Variants in UFD1 observed in about 807,000 individuals in gnomAD.
UFD1 encodes the protein ubiquitin recognition factor in ER associated degradation 1.
Under a neutral mutation model 45.9 loss-of-function variants are expected in UFD1, and 13 were observed. That is an observed-to-expected ratio of 0.28 (90% CI 0.18 to 0.45). The LOEUF is 0.45. UFD1 is among the 20% of genes least tolerant of loss of function. The pLI is 1.00. For missense variants in UFD1, 218 were observed against 389.2 expected, an observed-to-expected ratio of 0.56 and a Z score of 3.70; for synonymous variants, 128 against 139.2, an observed-to-expected ratio of 0.92 and a Z score of 0.56.
intron 1 of UFD1, 138 bp from the exon 2 acceptor site, chr22:19,475,740 C>G: frequency 9.0e-7 from 1 of 1,115,548 alleles, no homozygotes; most frequent in South Asian, 1.5e-5. Flanking sequence ...TGTAATCTTA[C>G]TAAATACAAA....
Position 19,468,000 on chromosome 22 carries a change from T to A in UFD1, c.295A>T (p.Met99Leu). The change falls in exon 5 of 12, where the codon ATG (methionine) becomes TTG (leucine). Residue 99 changes from methionine to leucine, a missense_variant. Around this residue, in one of 2 missense-constraint regions of UFD1, gnomAD observed 149 missense variants for 307.5 expected, o/e 0.48. Coordinates refer to ENST00000263202, the MANE Select transcript of UFD1 (RefSeq NM_005659.7). ...EGICYLPHWM[M>L]QNLLLEEGGL... ...CCTTCTTCCAAGAGTAAGTTCTGCA[T>A]CATCTGAAAGGAAGAAGAGGCTACA... The A allele has an allele frequency of 6.2e-7, 1 of 1,614,044 alleles. No homozygotes were observed.
intron 1 of UFD1, 168 bp downstream of exon 1, chr22:19,478,915 G>A (rs2089919017): frequency 5.6e-6 from 5 of 894,514 alleles, no homozygotes; most frequent in Non-Finnish European, 8.1e-6. Context: ...GGCGGTTAGT[G>A]GTCAAGGGTC....
chr22:19,452,727 A>C (rs1395815731), intron 11 of UFD1: 1 of 152,122 alleles, frequency 6.6e-6, no homozygotes, highest in African/African-American at 2.4e-5. Flanking sequence ...GTCTCCCTAT[A>C]TTGCCCAGGC....
chr22:19,476,161 G>C (rs922559978), intron 1 of UFD1, among the ~76,000 whole-genome samples: 3 of 152,120 alleles, frequency 2.0e-5, no homozygotes, highest in Non-Finnish European at 4.4e-5. Flanking sequence ...TAGACACAGG[G>C]CTCCTGGGAA....
At chr22:19,458,464 G>T (rs1342356249) in intron 6 of UFD1, among the ~76,000 whole-genome samples, 1 of 152,134 alleles carries the variant, frequency 6.6e-6, no homozygotes, top group Middle Eastern at 3.2e-3. Flanking sequence ...TTTATTTTTA[G>T]ACAGAATCTC....
chr22:19,453,526 G>A (rs1442603191), intron 11 of UFD1: 6 of 985,408 alleles, frequency 6.1e-6, no homozygotes, highest in Non-Finnish European at 7.2e-6. Context: ...CCATGCTAAG[G>A]TCTTAGGTCG....
At chr22:19,454,981 G>T in intron 10 of UFD1, 151 bp from the exon 11 acceptor site, 1 of 866,370 alleles carries the variant, frequency 1.2e-6, no homozygotes, top group Non-Finnish European at 1.7e-6. Context: ...GAGGGAAGCA[G>T]AAAGTAACTG....
In UFD1 at chr22:19,456,927, C is replaced by A; in HGVS notation, c.565-9G>T. 6.4e-7 allele frequency: 1 copy of A among 1,565,002 alleles called. No individual in the cohort carries two copies. Among genetic ancestry groups the A allele is most frequent in the Non-Finnish European group, 8.7e-7 (1 of 1,148,728 alleles). On this transcript the variant is annotated splice_polypyrimidine_tract_variant and intron_variant, in intron 7 of 11. Coordinates refer to ENST00000263202, the MANE Select transcript of UFD1 (RefSeq NM_005659.7). ...GGAGCATCAAAGTCCACCTGTGTTT[C>A]CAGGATTTTAAAAGTAAAATATTGA...
Position 19,471,795 on chromosome 22 carries a change from A to G in UFD1, c.183T>C (p.Ile61=). The G allele has an allele frequency of 6.2e-7, 1 of 1,613,812 alleles. No individual in the cohort carries two copies. The highest frequency in any genetic ancestry group is 8.5e-7 in the Non-Finnish European group (1 of 1,179,782). Residue 61 remains isoleucine, a synonymous_variant, in exon 4 of 12, where the codon ATT becomes ATC. Transcript: ENST00000263202. The stretch of plus-strand genomic sequence containing the variant: ...TCAGTTTGAACAGCATGGGATAGGT[A>G]ATGTTAAGTCGGCCTGAAAATAAGA... The part of the protein sequence containing the change: ...SALDQLSRLN[I]TYPMLFKLTN...
At chr22:19,476,999 T>C (rs1330698575) in intron 1 of UFD1, among the ~76,000 whole-genome samples, 6 of 80,006 alleles carry the variant, frequency 7.5e-5, no homozygotes, top group Admixed American at 1.9e-4. Context: ...AGAGCAAGAC[T>C]CCATCTCAAA....
intron 11 of UFD1, chr22:19,451,463 T>G: frequency 2.0e-6 from 2 of 985,354 alleles, no homozygotes; most frequent in Non-Finnish European, 2.4e-6. Flanking sequence ...CTCAGAAACA[T>G]TCCACTAAGC....
chr22:19,475,082 G>A lies in UFD1; in HGVS notation c.155C>T (p.Ala52Val). 1 of 1,609,862 alleles carries A rather than the reference G, an allele frequency of 6.2e-7. No individual in the cohort carries two copies. The highest frequency in any genetic ancestry group is 8.5e-7 in the Non-Finnish European group (1 of 1,178,632). The change falls in exon 3 of 12, where the codon GCC (alanine) becomes GTC (valine). Residue 52 changes from alanine to valine, a missense_variant. By Grantham distance (64) the Ala-to-Val change is moderately conservative. Transcript: ENST00000263202. ...KGGKIIMPPS[A>V]LDQLSRLNIT... Reference sequence around the variant, plus strand: ...AAGATACTTACTGAGTTGGTCCAGGGCCGAGGGTGGCATAATTACTGTGGA... The same window carrying A: ...AAGATACTTACTGAGTTGGTCCAGGACCGAGGGTGGCATAATTACTGTGGA...
At chr22:19,475,337 G>T in intron 2 of UFD1, 133 bp downstream of exon 2, 1 of 1,399,490 alleles carries the variant, frequency 7.1e-7, no homozygotes, top group Non-Finnish European at 9.7e-7. Context: ...GCAAGTCAGG[G>T]ATAAATCCCA....
chr22:19,477,472 A>G (rs988356500), intron 1 of UFD1, among the ~76,000 whole-genome samples: 1 of 152,238 alleles, frequency 6.6e-6, no homozygotes, highest in African/African-American at 2.4e-5. Context: ...GCTTCTAGGA[A>G]GTACCTAGAG....
chr22:19,455,724 C>A lies in UFD1; in HGVS notation c.723G>T (p.Gly241=), dbSNP rs1446662129. ...SGNRLDGKKK[G]VEPSPSPIKP... ...TGATTGGGGAGGGGCTGGGCTCTACCCCTTTCTTCTTTCCATCCAGTCTAT... is the reference window on the plus strand; with the variant it reads ...TGATTGGGGAGGGGCTGGGCTCTACACCTTTCTTCTTTCCATCCAGTCTAT... Residue 241 remains glycine, a synonymous_variant, in exon 10 of 12, where the codon GGG becomes GGT. Coordinates refer to ENST00000263202, the MANE Select transcript of UFD1 (RefSeq NM_005659.7). 1 of 1,613,986 alleles carries A rather than the reference C, an allele frequency of 6.2e-7. No homozygotes were observed. Among genetic ancestry groups the A allele is most frequent in the Non-Finnish European group, 8.5e-7 (1 of 1,179,984 alleles).
At chr22:19,475,005 T>A in intron 3 of UFD1, 63 bp downstream of exon 3, 2 of 1,492,046 alleles carry the variant, frequency 1.3e-6, no homozygotes, top group South Asian at 2.4e-5. Context: ...GAGGAGCCCA[T>A]GCTGACTCTT....
chr22:19,473,442 C>A (rs1252193746), intron 3 of UFD1, among the ~76,000 whole-genome samples: 1 of 152,242 alleles, frequency 6.6e-6, no homozygotes, highest in African/African-American at 2.4e-5. Flanking sequence ...CTGAGCTACA[C>A]CTCAATGACC....
intron 5 of UFD1, 66 bp downstream of exon 5, chr22:19,467,807 G>A: frequency 6.3e-7 from 1 of 1,595,746 alleles, no homozygotes. Context: ...TACAGTACAT[G>A]ATGTTTAACA....
intron 4 of UFD1, among the ~76,000 whole-genome samples, chr22:19,468,254 G>A (rs905489529): frequency 1.3e-5 from 2 of 152,176 alleles, no homozygotes; most frequent in African/African-American, 4.8e-5. Context: ...AGGGCTGCCC[G>A]GATTACTCAC....
Sources: allele counts gnomAD v4.1 joint callset (sites outside exome capture counted in the v4.1 genomes callset), GRCh38; gene constraint gnomAD v4.1.1; regional missense constraint gnomAD v4.1.1; transcripts MANE v1.5; gene names NCBI Gene and HGNC (gene_info 2026-07-23, HGNC 2026-07-21).